The following RASA1 variants were observed in gnomAD, a reference collection of about 807,000 sequenced individuals.
The protein encoded by RASA1 is RAS p21 protein activator 1.
A neutral mutation model predicts 132.2 loss-of-function variants in RASA1; 25 were observed. The ratio of observed to expected loss-of-function variants is 0.19; its 90% CI spans 0.14 to 0.26. The LOEUF is 0.26. Ranked by LOEUF, RASA1 falls within the 10% of genes least tolerant of loss-of-function variation. RASA1 has a pLI of 1.00. For missense variants in RASA1, 964 were observed against 1,299.2 expected (o/e 0.74, Z 3.97); for synonymous variants, 477 against 449.9 (o/e 1.06, Z -0.76).
intron 11 of RASA1, among the ~76,000 whole-genome samples, chr5:87,367,830 GTCAT>G (rs1302958649): frequency 6.6e-6 from 1 of 152,042 alleles, no homozygotes; most frequent in Non-Finnish European, 1.5e-5. Context: ...CATTTTCGTT[GTCAT>G]TCAAATTGTT....
At chr5:87,345,013 C>A (rs1157537293) in intron 6 of RASA1, among the ~76,000 whole-genome samples, 1 of 152,006 alleles carries the variant, frequency 6.6e-6, no homozygotes, top group Non-Finnish European at 1.5e-5. Flanking sequence ...ATAGTTTCTA[C>A]ATTGTTTCTA....
In RASA1 at chr5:87,341,362, T is replaced by A. The variant is rs544529256; in HGVS notation, c.1049+41T>A. The A allele has an allele frequency of 1.0e-4, 127 of 1,243,298 alleles. 1 individual carries two copies. The South Asian group carries it at 2.0e-3, about 20-fold the overall frequency. The allele number at this position is 1,243,298 out of a possible 1,614,324, so 77.0% of individuals were successfully genotyped here. Reference sequence around the variant, plus strand: ...TTATTAAAATGAAAAAAAAAATCTATATTGTAAATTTACTAATTGGAAAAC... The same window carrying A: ...TTATTAAAATGAAAAAAAAAATCTAAATTGTAAATTTACTAATTGGAAAAC... On this transcript the variant is annotated intron_variant, in intron 6 of 24. Coordinates refer to ENST00000274376, the MANE Select transcript of RASA1 (RefSeq NM_002890.3).
chr5:87,376,519 C>T lies in RASA1; in HGVS notation c.2138C>T (p.Ser713Phe). 6.2e-7 allele frequency: 1 copy of T among 1,613,868 alleles called. No individual in the cohort carries two copies. The highest frequency in any genetic ancestry group is 1.1e-5 in the South Asian group (1 of 91,078). Residue 713 changes from serine (S) to phenylalanine (F), a missense_variant, in exon 16 of 25, where the codon TCT (serine) becomes TTT (phenylalanine). Around this residue, in one of 6 missense-constraint regions of RASA1, gnomAD observed 346 missense variants for 520.1 expected, o/e 0.67. Transcript: ENST00000274376. ...PGSLRVRARYSMEKIMPEEEY... is the reference protein window; with the variant it reads ...PGSLRVRARYFMEKIMPEEEY... Reference sequence around the variant, plus strand: ...TCCCTGCGTGTTCGAGCACGATACTCTATGGAAAAAATCATGCCAGAAGAA... The same window carrying T: ...TCCCTGCGTGTTCGAGCACGATACTTTATGGAAAAAATCATGCCAGAAGAA...
rs567758446 is a variant in RASA1, at chr5:87,374,779, A to C, written c.1935-61A>C. On this transcript the variant is annotated intron_variant, in intron 14 of 24. Coordinates refer to ENST00000274376, the MANE Select transcript of RASA1 (RefSeq NM_002890.3). ...GGGGTTTATTTGATACTAGAACTAA[A>C]GAAATAAGGTAGTTTGATGCCAAAA... The C allele has an allele frequency of 1.9e-6, 3 of 1,596,502 alleles. No homozygotes were observed. In the East Asian group the frequency reaches 6.8e-5, roughly 36 times the overall value.
At chr5:87,284,391 A>T (rs952777814) in intron 1 of RASA1, among the ~76,000 whole-genome samples, 5 of 152,208 alleles carry the variant, frequency 3.3e-5, no homozygotes, top group African/African-American at 1.2e-4. Flanking sequence ...GTTCACTCAC[A>T]TCAGTTGGGT....
In RASA1 at chr5:87,391,212, C is replaced by A. The variant is rs1005288857; in HGVS notation, c.*329C>A. 1.1e-5 allele frequency: 5 copies of A among 443,416 alleles called. No individual in the cohort carries two copies. The highest frequency in any genetic ancestry group is 9.7e-5 in the African/African-American group (5 of 51,472). The allele number at this position is 443,416 out of a possible 1,614,324, so 27.5% of individuals were successfully genotyped here. A position where few individuals can be genotyped will look rare whatever the true frequency, so the allele number is the denominator to read the frequency against. On this transcript the variant is annotated 3_prime_UTR_variant, in exon 25 of 25. Transcript: ENST00000274376. ...ACTTTCAAAATATATTTTCAGTACA[C>A]CCAGTTGCCAAAGTTTTGCTGTCTC...
At chr5:87,330,769 C>T (rs1307884667) in intron 1 of RASA1, among the ~76,000 whole-genome samples, 1 of 152,104 alleles carries the variant, frequency 6.6e-6, no homozygotes, top group East Asian at 1.9e-4. Flanking sequence ...AAGTTGAGTG[C>T]AAATGTAAAA....
intron 1 of RASA1, among the ~76,000 whole-genome samples, chr5:87,280,412 A>C (rs925223101): frequency 6.6e-6 from 1 of 152,016 alleles, no homozygotes; most frequent in Non-Finnish European, 1.5e-5. Flanking sequence ...TTCCAGGTTC[A>C]AGCGATTTTC....
At chr5:87,385,516 G>T (rs1437063353) in intron 22 of RASA1, 127 bp downstream of exon 22, 14 of 739,912 alleles carry the variant, frequency 1.9e-5, no homozygotes, top group Admixed American at 1.4e-4. Context: ...ATTTTTGTTG[G>T]TATGTTTGTT....
intron 4 of RASA1, among the ~76,000 whole-genome samples, chr5:87,336,465 C>T (rs1326024381): frequency 6.6e-6 from 1 of 151,866 alleles, no homozygotes; most frequent in Non-Finnish European, 1.5e-5. Flanking sequence ...AGTTTATACA[C>T]ACCTGTGGAT....
chr5:87,284,533 G>T (rs1418273124), intron 1 of RASA1, among the ~76,000 whole-genome samples: 1 of 152,148 alleles, frequency 6.6e-6, no homozygotes, highest in Non-Finnish European at 1.5e-5. Context: ...GCTAATCCAG[G>T]TATCTGGAGT....
intron 8 of RASA1, among the ~76,000 whole-genome samples, chr5:87,350,249 A>G (rs1361978690): frequency 1.3e-5 from 2 of 151,878 alleles, no homozygotes; most frequent in Non-Finnish European, 2.9e-5. Context: ...ATGTGAGTCT[A>G]GGCAGCTGTA....
At chr5:87,318,560 A>G (rs1003108424) in intron 1 of RASA1, 2 of 152,250 alleles carry the variant, frequency 1.3e-5, no homozygotes, top group Non-Finnish European at 2.9e-5. Flanking sequence ...GAGAAACAGC[A>G]TGTGAAGGGG....
chr5:87,342,475 A>G (rs1758543954), intron 6 of RASA1, among the ~76,000 whole-genome samples: 1 of 152,166 alleles, frequency 6.6e-6, no homozygotes. Context: ...TGCAAATTCT[A>G]ATTAATGCTT....
chr5:87,338,536 A>ATATTTTT lies in RASA1; in HGVS notation c.1017+446_1017+447insATTTTTT. Among the ~76,000 whole-genome samples the ATATTTTT allele has an allele frequency of 9.4e-5, 8 of 85,220 alleles. 1 individual carries two copies. Among genetic ancestry groups the ATATTTTT allele is most frequent in the East Asian group, 9.9e-4 (2 of 2,030 alleles). 55.9% of individuals were successfully genotyped at this position (85,220 alleles called of 152,430 possible). On this transcript the variant is annotated intron_variant, in intron 5 of 24. Transcript: ENST00000274376. ...ATATATATATATATATATATATAAA[A>ATATTTTT]TTTTTTTTTTTTTTAAGTAGAAATG...
chr5:87,302,022 T>C (rs1163108919), intron 1 of RASA1, among the ~76,000 whole-genome samples: 1 of 152,194 alleles, frequency 6.6e-6, no homozygotes, highest in Non-Finnish European at 1.5e-5. Flanking sequence ...ATAATGACTT[T>C]TAATGAACAT....
At position 87,349,270 on chromosome 5, in the gene RASA1, T is replaced by A; in HGVS notation, c.1159T>A (p.Ser387Thr). ...RPSDNTPGDYSLYFRTNENIQ... is the reference protein window; with the variant it reads ...RPSDNTPGDYTLYFRTNENIQ... Reference sequence around the variant, plus strand: ...CTCAGATAATACTCCTGGCGATTATTCACTTTATTTCCGGACCAATGAAAA... The same window carrying A: ...CTCAGATAATACTCCTGGCGATTATACACTTTATTTCCGGACCAATGAAAA... Residue 387 changes from serine to threonine, a missense_variant, in exon 8 of 25, where the codon TCA (serine) becomes ACA (threonine). By Grantham distance (58) the Ser-to-Thr change is moderately conservative. This residue lies in a region of RASA1 where 154 missense variants were observed against 286.5 expected (regional missense o/e 0.54). Coordinates refer to ENST00000274376, the MANE Select transcript of RASA1 (RefSeq NM_002890.3). The A allele has an allele frequency of 6.2e-7, 1 of 1,612,240 alleles. No homozygotes were observed. Among genetic ancestry groups the A allele is most frequent in the Non-Finnish European group, 8.5e-7 (1 of 1,178,786 alleles).
At chr5:87,279,086 A>C (rs1239043407) in intron 1 of RASA1, among the ~76,000 whole-genome samples, 3 of 152,020 alleles carry the variant, frequency 2.0e-5, no homozygotes, top group Non-Finnish European at 4.4e-5. Flanking sequence ...TCTACAAAAA[A>C]AACAAAAATT....
rs371042291 is a variant in RASA1 at position 87,268,321 on chromosome 5, TTTG to T, written c.-122_-120del. 211 of 857,782 alleles carry T rather than the reference TTTG, an allele frequency of 2.5e-4. No individual in the cohort carries two copies. In the East Asian group the frequency reaches 5.6e-3, roughly 23 times the overall value. 53.1% of individuals were successfully genotyped at this position (857,782 alleles called of 1,614,324 possible). A position where few individuals can be genotyped will look rare whatever the true frequency, so the allele number is the denominator to read the frequency against. The stretch of plus-strand genomic sequence containing the variant: ...GGGGCGCGGCGGCGGGCTCTCTCCT[TTTG>T]TTGTTGTTTCCTCAGCCTGGGGAGC... On this transcript the variant is annotated 5_prime_UTR_variant, in exon 1 of 25. Transcript: ENST00000274376.
Sources: gnomAD v4.1 joint callset for allele counts (sites outside exome capture counted in the v4.1 genomes callset) on GRCh38, gnomAD v4.1.1 for gene constraint, gnomAD v4.1.1 regional missense constraint, MANE v1.5 for transcripts, NCBI Gene and HGNC (gene_info 2026-07-23, HGNC 2026-07-21) for gene names.